The following CCDC171 variants were observed in gnomAD, a reference collection of about 807,000 sequenced individuals.
CCDC171 encodes coiled-coil domain containing 171.
In CCDC171, 177 loss-of-function variants were observed where a neutral mutation model predicts 168.2. The ratio of observed to expected loss-of-function variants is 1.05; its 90% CI spans 0.93 to 1.19. The LOEUF (loss-of-function observed/expected upper bound fraction) is 1.19. CCDC171 is among the 50% of genes most tolerant of loss of function. CCDC171 has a pLI of 0.00. For synonymous variants in CCDC171, 687 were observed against 540.8 expected, an observed-to-expected ratio of 1.27 and a Z score of -3.75; for missense variants, 1,991 against 1,539.0, an observed-to-expected ratio of 1.29 and a Z score of -4.91.
chr9:15,743,632 A>T (rs570370771), intron 16 of CCDC171, among the ~76,000 whole-genome samples: 1 of 152,360 alleles, frequency 6.6e-6, no homozygotes, highest in South Asian at 2.1e-4. Context: ...TTAGGCAAAA[A>T]GGAGCAGAGG....
chr9:15,641,978 A>G (rs1449834488), intron 7 of CCDC171, among the ~76,000 whole-genome samples: 2 of 152,144 alleles, frequency 1.3e-5, no homozygotes, highest in African/African-American at 4.8e-5. Context: ...AGCCTGGCCA[A>G]CATGGTGAAA....
intron 23 of CCDC171, among the ~76,000 whole-genome samples, chr9:15,851,556 G>T (rs569107027): frequency 1.3e-5 from 2 of 151,606 alleles, no homozygotes; most frequent in Admixed American, 1.3e-4. Context: ...AATTTTGGCC[G>T]CTTTTTATTT....
At chr9:15,833,768 G>C (rs1018721328) in intron 21 of CCDC171, among the ~76,000 whole-genome samples, 1 of 152,132 alleles carries the variant, frequency 6.6e-6, no homozygotes, top group African/African-American at 2.4e-5. Context: ...TAAATAATTT[G>C]CAGATAATAA....
rs189424491 is a variant in CCDC171, at chr9:15,762,443, T to A, written c.2672-15157T>A. 1.0e-3 allele frequency among the ~76,000 whole-genome samples: 158 copies of A among 152,310 alleles called. 1 individual carries two copies. Among genetic ancestry groups the A allele is most frequent in the African/African-American group, 3.6e-3 (151 of 41,578 alleles). ...ATTGAAAAAGTCAACTATGGTAGCC[T>A]ACACACTTGTGTTCACATTTTGGTC... On this transcript the variant is annotated intron_variant, in intron 18 of 25. Transcript: ENST00000380701.
At chr9:15,609,365 TCC>T (rs916973518) in intron 6 of CCDC171, among the ~76,000 whole-genome samples, 2 of 152,218 alleles carry the variant, frequency 1.3e-5, no homozygotes. Flanking sequence ...CGCCTTGGCC[TCC>T]CAAAGTGCTG....
intron 6 of CCDC171, among the ~76,000 whole-genome samples, chr9:16,033,743 G>A (rs983284506): frequency 1.4e-5 from 2 of 147,114 alleles, no homozygotes; most frequent in African/African-American, 5.0e-5. Flanking sequence ...CCCTGGTGCC[G>A]AAAAGGTTGG....
rs750116087 is a variant in CCDC171, at chr9:15,848,896, CAAAG to C, written c.3420_3423del (p.Lys1140AsnfsTer7). 7.5e-5 allele frequency: 117 copies of C among 1,553,922 alleles called. No individual in the cohort carries two copies. Among genetic ancestry groups the C allele is most frequent in the Non-Finnish European group, 1.0e-4 (117 of 1,142,212 alleles). On this transcript the variant is annotated frameshift_variant, in exon 23 of 26. Coordinates refer to ENST00000380701, the MANE Select transcript of CCDC171 (RefSeq NM_173550.4). LOFTEE classifies it high-confidence loss of function. Reference sequence around the variant, plus strand: ...CTTAATCTTTTATTTTTTCTAGAGACAAAGAATGTGTTGCTAATCACATGAGAGC... The same window carrying C: ...CTTAATCTTTTATTTTTTCTAGAGACAATGTGTTGCTAATCACATGAGAGC...
chr9:15,637,983 C>T (rs1324257456), intron 7 of CCDC171, among the ~76,000 whole-genome samples: 1 of 152,048 alleles, frequency 6.6e-6, no homozygotes, highest in Non-Finnish European at 1.5e-5. Context: ...GGGTATATAC[C>T]CAGTAATGGG....
chr9:15,563,312 A>G (rs2039466354), intron 1 of CCDC171, among the ~76,000 whole-genome samples: 1 of 151,604 alleles, frequency 6.6e-6, no homozygotes, highest in African/African-American at 2.4e-5. Flanking sequence ...CTAATTTTAT[A>G]TTTTTAGTAG....
chr9:16,000,073 A>G (rs1036865502), intron 3 of CCDC171, among the ~76,000 whole-genome samples: 3 of 152,196 alleles, frequency 2.0e-5, no homozygotes, highest in African/African-American at 7.2e-5. Context: ...ACTTTAAAGA[A>G]GCATTTTTTA....
At position 15,596,624 on chromosome 9, in the gene CCDC171, G is replaced by A. The variant is rs1392007606; in HGVS notation, c.675+2452G>A. ...TTTGGCTTAGGATTGACTTGGCAAT[G>A]TGGGCTCTTTTTTGGTTCCATATGA... On this transcript the variant is annotated intron_variant, in intron 6 of 25. Transcript: ENST00000380701. Among the ~76,000 whole-genome samples, 1,010 of 152,000 alleles carry A rather than the reference G, an allele frequency of 6.6e-3. 6 individuals are homozygous for A. The highest frequency in any genetic ancestry group is 0.024 in the African/African-American group (983 of 41,484).
In CCDC171 at chr9:16,055,479, G is replaced by A. The variant is rs1162025260; in HGVS notation, n.90-5167G>A. ...GAAGAACCTGCTGAGGGAGGGCTCT[G>A]GAAGCTTTCTGTGAGAGTGTGCCAG... On this transcript the variant is annotated intron_variant and non_coding_transcript_variant, in intron 1 of 1. Coordinates refer to the CCDC171 transcript ENST00000478913. Among the ~76,000 whole-genome samples, 7 of 152,286 alleles carry A rather than the reference G, an allele frequency of 4.6e-5. No individual in the cohort carries two copies. The South Asian group carries it at 1.5e-3, about 32-fold the overall frequency.
chr9:15,968,696 G>T (rs904197407), intron 25 of CCDC171, among the ~76,000 whole-genome samples: 1 of 151,782 alleles, frequency 6.6e-6, no homozygotes, highest in South Asian at 2.1e-4. Context: ...ACAGGCGCCC[G>T]CCCAACTGAT....
chr9:15,668,046 A>G (rs891890970), intron 9 of CCDC171, among the ~76,000 whole-genome samples: 2 of 152,254 alleles, frequency 1.3e-5, no homozygotes, highest in Non-Finnish European at 2.9e-5. Flanking sequence ...TATGTAGAAT[A>G]TAGTGCAGAT....
At chr9:16,016,238 C>T (rs1025615386) in intron 3 of CCDC171, among the ~76,000 whole-genome samples, 3 of 152,084 alleles carry the variant, frequency 2.0e-5, no homozygotes, top group African/African-American at 7.2e-5. Context: ...TGTCAAGGTC[C>T]AGCTCCATTA....
At chr9:16,087,035 C>T in the CCDC171 span, among the ~76,000 whole-genome samples, 26 of 152,244 alleles carry the variant, frequency 1.7e-4, 1 homozygote, top group Middle Eastern at 3.4e-3. Flanking sequence ...TGTAGTTGTG[C>T]GGTTTTGAGT....
chr9:15,688,526 C>T (rs1587969033), intron 10 of CCDC171, among the ~76,000 whole-genome samples: 1 of 152,130 alleles, frequency 6.6e-6, no homozygotes, highest in African/African-American at 2.4e-5. Flanking sequence ...ACACCATGAT[C>T]AAGTGGGATT....
chr9:16,041,913 A>G (rs10756741), upstream of CCDC171, among the ~76,000 whole-genome samples: 61,912 of 152,028 alleles, frequency 0.41, 14,111 homozygotes, highest in East Asian at 0.73. Flanking sequence ...GAGCAAGTTT[A>G]GATGAAAATG....
At chr9:15,632,220 G>C (rs1010033922) in intron 7 of CCDC171, among the ~76,000 whole-genome samples, 21 of 145,688 alleles carry the variant, frequency 1.4e-4, no homozygotes, top group Non-Finnish European at 1.5e-5. Context: ...AGGAAAAGAG[G>C]AAGTCAAATT....
Sources: gnomAD v4.1 joint callset for allele counts (sites outside exome capture counted in the v4.1 genomes callset) on GRCh38, gnomAD v4.1.1 for gene constraint, MANE v1.5 for transcripts, NCBI Gene and HGNC (gene_info 2026-07-23, HGNC 2026-07-21) for gene names.